SDF2: variants seen among roughly 807,000 people sequenced by gnomAD.
The protein encoded by SDF2 is stromal cell derived factor 2, also known as stromal cell-derived factor 2.
Under a neutral mutation model 20.5 loss-of-function variants are expected in SDF2, and 12 were observed. The observed-to-expected ratio is 0.58, with a 90% CI of 0.37 to 0.95. The LOEUF is 0.95. Ranked by LOEUF, SDF2 falls within the 40% of genes least tolerant of loss-of-function variation. The probability of loss-of-function intolerance (pLI) is 0.01; values close to 1 mark genes in which losing one functional copy is unlikely to be tolerated. For missense variants in SDF2, 238 were observed against 263.1 expected, an observed-to-expected ratio of 0.90 and a Z score of 0.66; for synonymous variants, 100 against 101.0, an observed-to-expected ratio of 0.99 and a Z score of 0.06.
Position 28,649,190 on chromosome 17 carries a change from A to C in SDF2, c.435T>G (p.Asp145Glu), listed in dbSNP as rs1050080756. 7 of 1,614,074 alleles carry C rather than the reference A, an allele frequency of 4.3e-6. No individual in the cohort carries two copies. The highest frequency in any genetic ancestry group is 4.0e-5 in the African/African-American group (3 of 74,924). Residue 145 changes from aspartate (D) to glutamate (E), a missense_variant, in exon 3 of 3, where the codon GAT becomes GAG. Asp to Glu is a conservative substitution (Grantham distance 45). Coordinates refer to ENST00000247020, the MANE Select transcript of SDF2 (RefSeq NM_006923.4). The stretch of plus-strand genomic sequence containing the variant: ...AAGAGTGTTTGAACCGCACCTCACC[A>C]TCTCTCACCCAGTAGGGTCCATTAC... The part of the protein sequence containing the change: ...VLCNGPYWVR[D>E]GEVRFKHSST...
At chr17:28,662,161 G>C, upstream of SDF2, 2 of 321,306 alleles carry the variant, frequency 6.2e-6, no homozygotes, top group Non-Finnish European at 5.8e-6. Flanking sequence ...ACAAGAAATG[G>C]CCCGCCCACT....
intron 1 of SDF2, chr17:28,660,974 C>T (rs901985100): frequency 1.1e-5 from 2 of 174,638 alleles, no homozygotes; most frequent in South Asian, 9.0e-5. Context: ...TTATCACCAC[C>T]GAATCTCCTG....
chr17:28,657,115 T>G (rs1042122075), intron 1 of SDF2, among the ~76,000 whole-genome samples: 3 of 151,992 alleles, frequency 2.0e-5, no homozygotes, highest in East Asian at 3.9e-4. Context: ...TAATCCCAGC[T>G]ACTTGGGAGG....
chr17:28,652,583 T>A (rs2071924020), intron 2 of SDF2, among the ~76,000 whole-genome samples: 1 of 152,180 alleles, frequency 6.6e-6, no homozygotes, highest in African/African-American at 2.4e-5. Context: ...GCCGGGATTA[T>A]AGGTGTGAGC....
At position 28,648,981 on chromosome 17, in the gene SDF2, C is replaced by T. The variant is rs1446806159; in HGVS notation, c.*8G>A. The T allele has an allele frequency of 6.2e-6, 10 of 1,613,004 alleles. No individual in the cohort carries two copies. Among genetic ancestry groups the T allele is most frequent in the South Asian group, 1.1e-5 (1 of 91,042 alleles). ...TTGTGCGTTAACAGTGGCTCAGAGC[C>T]TCTAGATTCACAGCTCTGCATGGTG... On this transcript the variant is annotated 3_prime_UTR_variant, in exon 3 of 3. Transcript: ENST00000247020.
Position 28,655,387 on chromosome 17 carries a change from C to T in SDF2, c.248G>A (p.Gly83Glu). The T allele has an allele frequency of 6.2e-7, 1 of 1,614,206 alleles. No individual in the cohort carries two copies. The highest frequency in any genetic ancestry group is 8.5e-7 in the Non-Finnish European group (1 of 1,180,036). ...RGKSATVCER[G>E]TPIKCGQPIR... is the part of the protein sequence containing the mutation. ...GGGCTGGCCACACTTGATGGGGGTT[C>T]CCCTCTCACACACTGTGGCACTCTT... Residue 83 changes from glycine to glutamate, a missense_variant, in exon 2 of 3, where the codon GGA (glycine) becomes GAA (glutamate). By Grantham distance (98) the Gly-to-Glu change is moderately conservative. Coordinates refer to ENST00000247020, the MANE Select transcript of SDF2 (RefSeq NM_006923.4).
intron 1 of SDF2, among the ~76,000 whole-genome samples, chr17:28,659,389 C>A (rs1233212812): frequency 1.4e-5 from 2 of 144,004 alleles, no homozygotes; most frequent in East Asian, 4.3e-4. Flanking sequence ...CTCCCCACTT[C>A]CCAGATGGGG....
chr17:28,649,921 G>A (rs2071899278), intron 2 of SDF2, among the ~76,000 whole-genome samples: 3 of 148,846 alleles, frequency 2.0e-5, no homozygotes, highest in Admixed American at 1.3e-4. Flanking sequence ...AAAAAATTCA[G>A]CTGCTTTCCA....
chr17:28,653,461 A>C (rs1438317340), intron 2 of SDF2, among the ~76,000 whole-genome samples: 1 of 152,244 alleles, frequency 6.6e-6, no homozygotes, highest in African/African-American at 2.4e-5. Context: ...AGAACAGCCT[A>C]ATGAGACATG....
chr17:28,653,799 G>A (rs1340300943), intron 2 of SDF2, among the ~76,000 whole-genome samples: 1 of 152,104 alleles, frequency 6.6e-6, no homozygotes, highest in Non-Finnish European at 1.5e-5. Flanking sequence ...GACAGAGCGA[G>A]ACTCTGTCTC....
Position 28,649,010 on chromosome 17 carries a change from T to C in SDF2, c.615A>G (p.Glu205=). 6.2e-7 allele frequency: 1 copy of C among 1,614,228 alleles called. No homozygotes were observed. The highest frequency in any genetic ancestry group is 8.5e-7 in the Non-Finnish European group (1 of 1,180,032). Residue 205 remains glutamate, a synonymous_variant, in exon 3 of 3, where the codon GAA becomes GAG. Coordinates refer to ENST00000247020, the MANE Select transcript of SDF2 (RefSeq NM_006923.4). The part of the protein sequence containing the change: ...FMKPSELLKA[E]AHHAEL ...AGATTCACAGCTCTGCATGGTGGGC[T>C]TCTGCCTTCAACAACTCACTGGGCT...
rs2151579894 is a variant in SDF2 at position 28,648,779 on chromosome 17, A to T, written c.*210T>A. 1 of 597,108 alleles carries T rather than the reference A, an allele frequency of 1.7e-6. No homozygotes were observed. The highest frequency in any genetic ancestry group is 2.1e-5 in the South Asian group (1 of 48,770). 37.0% of individuals were successfully genotyped at this position (597,108 alleles called of 1,614,324 possible). On this transcript the variant is annotated 3_prime_UTR_variant, in exon 3 of 3. Transcript: ENST00000247020. Reference sequence around the variant, plus strand: ...CTTTACCAGCAAGTCCTCTACTCAGAAAGAACTGACCCACGCAAGTCTGGG... The same window carrying T: ...CTTTACCAGCAAGTCCTCTACTCAGTAAGAACTGACCCACGCAAGTCTGGG...
intron 1 of SDF2, among the ~76,000 whole-genome samples, chr17:28,658,329 A>T (rs1218673905): frequency 1.3e-5 from 2 of 149,422 alleles, no homozygotes; most frequent in African/African-American, 5.0e-5. Flanking sequence ...GGGTCACAGG[A>T]TAATAGTGGA....
At chr17:28,650,803 C>CAAAAAA (rs57928087) in intron 2 of SDF2, among the ~76,000 whole-genome samples, 4 of 19,080 alleles carry the variant, frequency 2.1e-4, no homozygotes, top group Admixed American at 6.0e-4. Flanking sequence ...GACTTTGTCT[C>CAAAAAA]AAAAAAAAAA....
At chr17:28,661,061 TA>T in intron 1 of SDF2, 1 of 384,634 alleles carries the variant, frequency 2.6e-6, no homozygotes, top group Non-Finnish European at 4.9e-6. Context: ...AATTTATTAC[TA>T]AACATTTTAA....
At position 28,648,847 on chromosome 17, in the gene SDF2, C is replaced by T; in HGVS notation, c.*142G>A. 1.2e-6 allele frequency: 1 copy of T among 824,398 alleles called. No homozygotes were observed. Among genetic ancestry groups the T allele is most frequent in the Non-Finnish European group, 1.9e-6 (1 of 523,534 alleles). The allele number at this position is 824,398 out of a possible 1,614,324, so 51.1% of individuals were successfully genotyped here. On this transcript the variant is annotated 3_prime_UTR_variant, in exon 3 of 3. Transcript: ENST00000247020. ...TGTGCAGGGCTGAAGCTTCCAAACA[C>T]AGCCACTATTTTCTGTTGTATATCT...
rs777381395 is a variant in SDF2 at position 28,655,379 on chromosome 17, T to C, written c.256A>G (p.Ile86Val). Residue 86 changes from isoleucine to valine, a missense_variant, in exon 2 of 3, where the codon ATC becomes GTC. Coordinates refer to ENST00000247020, the MANE Select transcript of SDF2 (RefSeq NM_006923.4). ...AGCCGGATGGGCTGGCCACACTTGA[T>C]GGGGGTTCCCCTCTCACACACTGTG... ...SATVCERGTP[I>V]KCGQPIRLTH... 2 of 1,614,236 alleles carry C rather than the reference T, an allele frequency of 1.2e-6. No homozygotes were observed. Among genetic ancestry groups the C allele is most frequent in the South Asian group, 2.2e-5 (2 of 91,082 alleles).
chr17:28,654,451 T>C (rs574198014), intron 2 of SDF2, among the ~76,000 whole-genome samples: 7 of 152,124 alleles, frequency 4.6e-5, no homozygotes, highest in Non-Finnish European at 1.0e-4. Context: ...AGTCTGTCTG[T>C]CCTTCCCATT....
chr17:28,662,119 C>G (rs550515390), upstream of SDF2: 3 of 421,454 alleles, frequency 7.1e-6, no homozygotes, highest in South Asian at 4.0e-5. Context: ...TTCGCACCCA[C>G]GAGACGAAAG....
Sources: gnomAD v4.1 joint callset for allele counts (sites outside exome capture counted in the v4.1 genomes callset) on GRCh38, gnomAD v4.1.1 for gene constraint, MANE v1.5 for transcripts, NCBI Gene and HGNC (gene_info 2026-07-23, HGNC 2026-07-21) for gene names.